The following ZW10 variants were observed in gnomAD, a reference collection of about 807,000 sequenced individuals.
ZW10 encodes the protein centromere/kinetochore protein zw10 homolog.
Under a neutral mutation model 87.8 loss-of-function variants are expected in ZW10, and 53 were observed. The ratio of observed to expected loss-of-function variants is 0.60; its 90% CI spans 0.48 to 0.76. The LOEUF (loss-of-function observed/expected upper bound fraction) is 0.76. ZW10 is among the 30% of genes least tolerant of loss of function. The pLI is 0.00. For missense variants in ZW10, 837 were observed against 923.0 expected, an observed-to-expected ratio of 0.91 and a Z score of 1.21; for synonymous variants, 312 against 329.2, an observed-to-expected ratio of 0.95 and a Z score of 0.57.
At chr11:113,750,129 C>T (rs769974193) in intron 7 of ZW10, among the ~76,000 whole-genome samples, 6 of 151,978 alleles carry the variant, frequency 3.9e-5, no homozygotes, top group Non-Finnish European at 4.4e-5. Context: ...TAAAACAAAG[C>T]ATACTATTGA....
intron 6 of ZW10, among the ~76,000 whole-genome samples, chr11:113,758,233 T>A (rs1482898480): frequency 6.6e-6 from 1 of 151,628 alleles, no homozygotes; most frequent in African/African-American, 2.4e-5. Context: ...TCTTTGAACC[T>A]AACAACCAAA....
In ZW10 at chr11:113,760,160, A is replaced by G. The variant is rs745315735; in HGVS notation, c.580+49T>C. ...AATGTAGAATATATTCAGACACTAC[A>G]CTGGTTCAGGCAGATGAAGCAAAGC... On this transcript the variant is annotated intron_variant, in intron 5 of 15. Transcript: ENST00000200135. 5 of 1,585,458 alleles carry G rather than the reference A, an allele frequency of 3.2e-6. No homozygotes were observed. The Admixed American group carries it at 7.4e-5, about 24-fold the overall frequency.
rs138751727 is a variant in ZW10, at chr11:113,758,689, A to G, written c.598T>C (p.Ser200Pro). Residue 200 changes from serine (S) to proline (P), a missense_variant, in exon 6 of 16, where the codon TCT becomes CCT. Ser to Pro is a moderately conservative substitution (Grantham distance 74). Transcript: ENST00000200135. ...AAATGAAGTTCAGTTTGTAGGTAAG[A>G]TTCCAAACTGCTGGTATCTAAGAAA... ...PPSKDTSSLESYLQTELHLYT... is the reference protein window; with the variant it reads ...PPSKDTSSLEPYLQTELHLYT... The G allele has an allele frequency of 3.1e-6, 5 of 1,613,898 alleles. No homozygotes were observed. In the African/African-American group the frequency reaches 6.7e-5, roughly 22 times the overall value.
At chr11:113,773,482 C>T in intron 1 of ZW10, 80 bp downstream of exon 1, 3 of 1,237,272 alleles carry the variant, frequency 2.4e-6, no homozygotes, top group Non-Finnish European at 2.3e-6. Flanking sequence ...CTGCCCTTAG[C>T]CCCTGACTCC....
chr11:113,754,014 A>G (rs1162785955), intron 7 of ZW10, among the ~76,000 whole-genome samples: 1 of 152,210 alleles, frequency 6.6e-6, no homozygotes, highest in African/African-American at 2.4e-5. Context: ...TAAACAATAG[A>G]TTTTTAGTGT....
Position 113,736,798 on chromosome 11 carries a change from T to C in ZW10, c.2041A>G (p.Arg681Gly), listed in dbSNP as rs1317272886. The C allele has an allele frequency of 6.2e-7, 1 of 1,614,048 alleles. No individual in the cohort carries two copies. Among genetic ancestry groups the C allele is most frequent in the Non-Finnish European group, 8.5e-7 (1 of 1,180,022 alleles). The change falls in exon 15 of 16, where the codon AGG becomes GGG. Residue 681 changes from arginine to glycine, a missense_variant. Physicochemically the swap from Arg to Gly is moderately radical, Grantham distance 125. Coordinates refer to ENST00000200135, the MANE Select transcript of ZW10 (RefSeq NM_004724.4). ...ACTGTTTTGCATAAGGAATATAACC[T>C]ATCACCATCTTCAGTAGATATGTCC... is the stretch of plus-strand genomic sequence containing the variant. Reference protein sequence around the residue: ...LEDISTEDGDRLYSLCKTVMD... With the variant: ...LEDISTEDGDGLYSLCKTVMD...
chr11:113,738,695 T>C (rs1565279169), intron 12 of ZW10, among the ~76,000 whole-genome samples: 1 of 152,150 alleles, frequency 6.6e-6, no homozygotes, highest in African/African-American at 2.4e-5. Flanking sequence ...CTATACCAAC[T>C]AGGGAAAAAT....
At chr11:113,769,866 A>T in intron 1 of ZW10, 1 of 339,654 alleles carries the variant, frequency 2.9e-6, no homozygotes, top group East Asian at 1.4e-4. Flanking sequence ...TTCTCCAGAA[A>T]GCTGATGATG....
intron 2 of ZW10, among the ~76,000 whole-genome samples, chr11:113,764,108 T>C (rs1953888982): frequency 6.6e-6 from 1 of 152,236 alleles, no homozygotes; most frequent in African/African-American, 2.4e-5. Flanking sequence ...ACCATTTTAC[T>C]GAATAGCAGA....
Position 113,741,773 on chromosome 11 carries a change from G to T in ZW10, c.1512-8C>A, listed in dbSNP as rs919659236. 1.3e-6 allele frequency: 2 copies of T among 1,592,946 alleles called. No individual in the cohort carries two copies. Among genetic ancestry groups the T allele is most frequent in the Non-Finnish European group, 1.7e-6 (2 of 1,168,244 alleles). On this transcript the variant is annotated splice_region_variant and splice_polypyrimidine_tract_variant and intron_variant, in intron 10 of 15. Coordinates refer to ENST00000200135, the MANE Select transcript of ZW10 (RefSeq NM_004724.4). ...TAGAAAAGTTGAACAGCACTAAAAA[G>T]AAAACATAGACTTAACAGAAATGCC... is the stretch of plus-strand genomic sequence containing the variant.
At chr11:113,765,085 T>C (rs1953897332) in intron 2 of ZW10, among the ~76,000 whole-genome samples, 1 of 152,198 alleles carries the variant, frequency 6.6e-6, no homozygotes, top group Non-Finnish European at 1.5e-5. Flanking sequence ...AGGCCAGGGA[T>C]ACTGCTAACA....
intron 1 of ZW10, among the ~76,000 whole-genome samples, chr11:113,773,027 G>GT (rs71063524): frequency 0.28 from 41,625 of 146,808 alleles, 6,890 homozygotes; most frequent in Non-Finnish European, 0.38. Flanking sequence ...GTTTGGGTTT[G>GT]TTTTTTTTTT....
intron 9 of ZW10, among the ~76,000 whole-genome samples, chr11:113,746,495 C>CAAAAAAAAAAAAAAA (rs566009326): frequency 1.6e-4 from 17 of 105,310 alleles, no homozygotes; most frequent in Admixed American, 3.1e-4. Flanking sequence ...ACAAAACAGT[C>CAAAAAAAAAAAAAAA]AAAAAAAAAA....
At chr11:113,764,577 C>CT (rs1953893056) in intron 2 of ZW10, among the ~76,000 whole-genome samples, 6 of 151,974 alleles carry the variant, frequency 3.9e-5, no homozygotes, top group Admixed American at 3.9e-4. Context: ...CTTCTATAAG[C>CT]TTTTTTCTAT....
chr11:113,752,353 C>T (rs1029872904), intron 7 of ZW10, among the ~76,000 whole-genome samples: 1 of 152,024 alleles, frequency 6.6e-6, no homozygotes, highest in Non-Finnish European at 1.5e-5. Context: ...CAAATTTATA[C>T]GTTGAAGCCC....
At chr11:113,761,679 A>G (rs1181075399) in intron 2 of ZW10, among the ~76,000 whole-genome samples, 3 of 152,132 alleles carry the variant, frequency 2.0e-5, no homozygotes, top group African/African-American at 4.8e-5. Context: ...AAAATCTCCA[A>G]TTAACCTCTC....
rs1591414541 is a variant in ZW10 at position 113,749,404 on chromosome 11, G to A, written c.926-984C>T. On this transcript the variant is annotated intron_variant, in intron 7 of 15. Coordinates refer to ENST00000200135, the MANE Select transcript of ZW10 (RefSeq NM_004724.4). The stretch of plus-strand genomic sequence containing the variant: ...TTTAAGTTTAAAAATAGAAGCAGGG[G>A]TGTGTGCTTATAAAGGGACAGCACA... 2.0e-5 allele frequency among the ~76,000 whole-genome samples: 3 copies of A among 152,242 alleles called. No individual in the cohort carries two copies. In the East Asian group the frequency reaches 5.8e-4, roughly 29 times the overall value.
chr11:113,739,425 T>C (rs1953590039), intron 11 of ZW10, 43 bp from the exon 12 acceptor site: 1 of 1,545,664 alleles, frequency 6.5e-7, no homozygotes, highest in Non-Finnish European at 8.7e-7. Flanking sequence ...AACCACCTGT[T>C]ACTGAAGCTG....
chr11:113,740,620 T>A (rs933995264), intron 11 of ZW10, among the ~76,000 whole-genome samples: 1 of 152,126 alleles, frequency 6.6e-6, no homozygotes, highest in African/African-American at 2.4e-5. Context: ...GAAATTGAAA[T>A]GAAATGAAAC....
Sources: gnomAD v4.1 joint callset for allele counts (sites outside exome capture counted in the v4.1 genomes callset) on GRCh38, gnomAD v4.1.1 for gene constraint, MANE v1.5 for transcripts, NCBI Gene and HGNC (gene_info 2026-07-23, HGNC 2026-07-21) for gene names.